The following REV3L variants were observed in gnomAD, a reference collection of about 807,000 sequenced individuals.
The protein encoded by REV3L is REV3 like, DNA directed polymerase zeta catalytic subunit, also known as DNA polymerase zeta catalytic subunit.
REV3L carries 69 observed loss-of-function variants against 299.4 expected under a neutral mutation model. That is an observed-to-expected ratio of 0.23 (90% CI 0.19 to 0.28). The LOEUF (loss-of-function observed/expected upper bound fraction) is 0.28. REV3L is among the 10% of genes least tolerant of loss of function. The probability of loss-of-function intolerance (pLI) is 1.00; values close to 1 mark genes in which losing one functional copy is unlikely to be tolerated. For missense variants in REV3L, 3,128 were observed against 3,693.8 expected, an observed-to-expected ratio of 0.85 and a Z score of 3.97; for synonymous variants, 1,238 against 1,271.4, an observed-to-expected ratio of 0.97 and a Z score of 0.56.
Position 111,353,315 on chromosome 6 carries a change from T to C in REV3L, c.7185-1524A>G, listed in dbSNP as rs142494306. Among the ~76,000 whole-genome samples the C allele has an allele frequency of 2.0e-5, 3 of 152,346 alleles. 1 individual carries two copies. The highest frequency in any genetic ancestry group is 7.2e-5 in the African/African-American group (3 of 41,578). On this transcript the variant is annotated intron_variant, in intron 18 of 31. Coordinates refer to ENST00000368802, the MANE Select transcript of REV3L (RefSeq NM_001372078.1). The stretch of plus-strand genomic sequence containing the variant: ...CATAGCTGTCTTCTAAAAATGGGTA[T>C]TGAATGGCTTTCGTTTTTACCTAGT...
chr6:111,444,705 GC>G (rs1788638662), intron 1 of REV3L, among the ~76,000 whole-genome samples: 1 of 152,088 alleles, frequency 6.6e-6, no homozygotes, highest in Non-Finnish European at 1.5e-5. Context: ...TTTTGATACA[GC>G]CAAGATAAAA....
At chr6:111,406,872 A>G (rs1405721799) in intron 3 of REV3L, among the ~76,000 whole-genome samples, 1 of 152,216 alleles carries the variant, frequency 6.6e-6, no homozygotes, top group African/African-American at 2.4e-5. Flanking sequence ...AACATTTCTG[A>G]GCACTATATA....
chr6:111,371,860 G>A (rs1435749339), intron 13 of REV3L, among the ~76,000 whole-genome samples: 3 of 151,750 alleles, frequency 2.0e-5, no homozygotes, highest in Non-Finnish European at 2.9e-5. Flanking sequence ...CACTGTGCCC[G>A]GCCTAATTTT....
chr6:111,370,453 G>C (rs1258859430), intron 13 of REV3L, among the ~76,000 whole-genome samples: 1 of 152,002 alleles, frequency 6.6e-6, no homozygotes, highest in East Asian at 1.9e-4. Flanking sequence ...TTACAGGAGA[G>C]AACTTTTATT....
At chr6:111,362,891 T>C (rs373861331) in intron 16 of REV3L, among the ~76,000 whole-genome samples, 1 of 152,204 alleles carries the variant, frequency 6.6e-6, no homozygotes, top group African/African-American at 2.4e-5. Context: ...TCTTCAGTTG[T>C]ATAAGCCAAA....
chr6:111,307,242 A>G, intron 31 of REV3L, 119 bp downstream of exon 31: 1 of 783,356 alleles, frequency 1.3e-6, no homozygotes. Context: ...TTTATCATTT[A>G]GACTCTTCAT....
chr6:111,366,946 C>T (rs1779287776), intron 14 of REV3L, among the ~76,000 whole-genome samples, 169 bp downstream of exon 14: 1 of 152,192 alleles, frequency 6.6e-6, no homozygotes, highest in Non-Finnish European at 1.5e-5. Flanking sequence ...AAGTAGATTT[C>T]ACAGCAGAAA....
chr6:111,381,861 A>T (rs1168697201), intron 9 of REV3L, among the ~76,000 whole-genome samples: 2 of 152,202 alleles, frequency 1.3e-5, no homozygotes, highest in Admixed American at 6.5e-5. Flanking sequence ...AAAAAAATTG[A>T]CAGTGCTCAT....
rs750789649 is a variant in REV3L, at chr6:111,387,769, G to A, written c.1092C>T (p.Ser364=). The change falls in exon 9 of 32, where the codon AGC becomes AGT. Residue 364 remains serine, a synonymous_variant. Transcript: ENST00000368802. The part of the protein sequence containing the change: ...MVEVHKDKES[S]KGHTRHKVEE... ...TACATGAAAAGAAAATCTTACCTTTGCTTGACTCTTTGTCTTTGTGAACTT... is the reference window on the plus strand; with the variant it reads ...TACATGAAAAGAAAATCTTACCTTTACTTGACTCTTTGTCTTTGTGAACTT... 2.5e-6 allele frequency: 4 copies of A among 1,613,534 alleles called. No homozygotes were observed. Among genetic ancestry groups the A allele is most frequent in the African/African-American group, 1.3e-5 (1 of 74,994 alleles).
intron 1 of REV3L, among the ~76,000 whole-genome samples, chr6:111,476,248 T>C (rs1418146846): frequency 6.6e-6 from 1 of 152,122 alleles, no homozygotes; most frequent in Non-Finnish European, 1.5e-5. Flanking sequence ...CTTCACCTCC[T>C]GGGCTCAAGC....
Position 111,367,684 on chromosome 6 carries a change from TCAG to T in REV3L, c.6101_6103del (p.Ala2034del). On this transcript the variant is annotated inframe_deletion, in exon 14 of 32. Coordinates refer to ENST00000368802, the MANE Select transcript of REV3L (RefSeq NM_001372078.1). ...TGGGTTAACTGAAGAGCTAAAGTTCTCAGCAGATTTTACAACTCCAGTTGGCTT... is the reference window on the plus strand; with the variant it reads ...TGGGTTAACTGAAGAGCTAAAGTTCTCAGATTTTACAACTCCAGTTGGCTT... The T allele has an allele frequency of 6.2e-7, 1 of 1,614,232 alleles. No homozygotes were observed. The highest frequency in any genetic ancestry group is 2.2e-5 in the East Asian group (1 of 44,884).
At chr6:111,369,278 T>A (rs1391434425) in intron 13 of REV3L, among the ~76,000 whole-genome samples, 1 of 88,660 alleles carries the variant, frequency 1.1e-5, no homozygotes, top group African/African-American at 3.8e-5. Context: ...CCAGACTCTG[T>A]CTCAAAAAAA....
At chr6:111,342,985 C>G (rs1431350411) in intron 21 of REV3L, among the ~76,000 whole-genome samples, 1 of 152,022 alleles carries the variant, frequency 6.6e-6, no homozygotes, top group African/African-American at 2.4e-5. Flanking sequence ...TAAACAAGGG[C>G]TAAGATAATT....
chr6:111,429,791 G>A (rs1010056952), intron 1 of REV3L, among the ~76,000 whole-genome samples: 2 of 152,124 alleles, frequency 1.3e-5, no homozygotes, highest in Non-Finnish European at 2.9e-5. Context: ...CCTGGCGCGG[G>A]GGGTGAGCAC....
chr6:111,302,667 G>A (rs1051183563), intron 31 of REV3L, among the ~76,000 whole-genome samples: 70 of 152,316 alleles, frequency 4.6e-4, no homozygotes, highest in African/African-American at 1.4e-3. Flanking sequence ...TACTCTGGGA[G>A]GCAGAGGCAG....
At chr6:111,411,776 T>C (rs17539302) in intron 2 of REV3L, among the ~76,000 whole-genome samples, 205 of 152,276 alleles carry the variant, frequency 1.3e-3, no homozygotes, top group African/African-American at 4.7e-3. Flanking sequence ...AATATCACTT[T>C]CTTTAATTAC....
chr6:111,312,268 AT>A (rs1773068435), intron 28 of REV3L: 1 of 152,092 alleles, frequency 6.6e-6, no homozygotes, highest in South Asian at 2.1e-4. Flanking sequence ...GCTGAAAAAA[AT>A]CCCAAATTCA....
chr6:111,340,617 T>C (rs1037867655), intron 21 of REV3L, among the ~76,000 whole-genome samples: 1 of 152,128 alleles, frequency 6.6e-6, no homozygotes, highest in Non-Finnish European at 1.5e-5. Context: ...CTTAAAACAC[T>C]GTAGAAAGCA....
intron 4 of REV3L, among the ~76,000 whole-genome samples, chr6:111,400,719 T>C (rs2128268229): frequency 6.6e-6 from 1 of 152,288 alleles, no homozygotes; most frequent in African/African-American, 2.4e-5. Flanking sequence ...TTTGACAAAA[T>C]CTAACATTAA....
Sources: allele counts gnomAD v4.1 joint callset (sites outside exome capture counted in the v4.1 genomes callset), GRCh38; gene constraint gnomAD v4.1.1; transcripts MANE v1.5; gene names NCBI Gene and HGNC (gene_info 2026-07-23, HGNC 2026-07-21).